CNTNAP5: variants seen among roughly 807,000 people sequenced by gnomAD.
The protein encoded by CNTNAP5 is contactin-associated protein-like 5.
CNTNAP5 carries 72 observed loss-of-function variants against 150.2 expected under a neutral mutation model. That is an observed-to-expected ratio of 0.48 (90% CI 0.40 to 0.58). The LOEUF is 0.58. CNTNAP5 is among the 20% of genes least tolerant of loss of function. The pLI, the probability that CNTNAP5 is intolerant of heterozygous loss-of-function variation, is 0.00. For synonymous variants in CNTNAP5, 672 were observed against 619.8 expected (o/e 1.08, Z -1.25); for missense variants, 1,636 against 1,626.2 (o/e 1.01, Z -0.10).
chr2:124,122,209 A>C (rs1683579898), intron 1 of CNTNAP5, among the ~76,000 whole-genome samples: 2 of 152,200 alleles, frequency 1.3e-5, no homozygotes, highest in African/African-American at 2.4e-5. Flanking sequence ...CTATCCAGCT[A>C]TATTTAGACA....
chr2:124,504,334 A>G lies in CNTNAP5; in HGVS notation c.1105A>G (p.Ile369Val), dbSNP rs1414769312. The G allele has an allele frequency of 6.2e-7, 1 of 1,613,924 alleles. No homozygotes were observed. Among genetic ancestry groups the G allele is most frequent in the Non-Finnish European group, 8.5e-7 (1 of 1,179,840 alleles). Residue 369 changes from isoleucine (I) to valine (V), a missense_variant, in exon 8 of 24, where the codon ATC (isoleucine) becomes GTC (valine). Coordinates refer to ENST00000682447, the MANE Select transcript of CNTNAP5 (RefSeq NM_001367498.1). ...CTGCTCCGAACCACAGATTGTGCCC[A>G]TCACATTTGTCAACTCCAGCGGCAG... ...FSCSEPQIVP[I>V]TFVNSSGSYL...
chr2:124,715,666 T>C (rs927177900), intron 13 of CNTNAP5, among the ~76,000 whole-genome samples: 6 of 152,154 alleles, frequency 3.9e-5, no homozygotes, highest in Admixed American at 2.6e-4. Flanking sequence ...ATGTATCATT[T>C]CCATTTATAT....
intron 1 of CNTNAP5, among the ~76,000 whole-genome samples, chr2:124,059,751 G>C (rs540897029): frequency 6.6e-6 from 1 of 151,970 alleles, no homozygotes; most frequent in African/African-American, 2.4e-5. Context: ...TGGCATCAGC[G>C]TAGAGTTTTT....
At chr2:124,276,735 G>T (rs1687892002) in intron 3 of CNTNAP5, among the ~76,000 whole-genome samples, 2 of 152,074 alleles carry the variant, frequency 1.3e-5, no homozygotes, top group African/African-American at 4.8e-5. Flanking sequence ...CTTCATTTGG[G>T]CGTTATTTTT....
At chr2:124,760,835 A>G (rs1377408578) in intron 14 of CNTNAP5, among the ~76,000 whole-genome samples, 1 of 152,134 alleles carries the variant, frequency 6.6e-6, no homozygotes, top group Non-Finnish European at 1.5e-5. Flanking sequence ...TGGTGTGTTC[A>G]TTGTTTTGTA....
At chr2:124,328,037 G>T (rs374345504) in intron 3 of CNTNAP5, among the ~76,000 whole-genome samples, 3 of 151,986 alleles carry the variant, frequency 2.0e-5, no homozygotes, top group African/African-American at 7.3e-5. Flanking sequence ...AAAATTGAAG[G>T]CTTTTCTGAA....
chr2:124,408,295 C>T (rs1223806769), intron 3 of CNTNAP5, among the ~76,000 whole-genome samples: 3 of 152,032 alleles, frequency 2.0e-5, no homozygotes, highest in East Asian at 1.9e-4. Context: ...AAGGCCGCAG[C>T]GAGGCTGGGG....
intron 3 of CNTNAP5, among the ~76,000 whole-genome samples, chr2:124,245,295 A>G (rs1384938389): frequency 6.6e-6 from 1 of 152,130 alleles, no homozygotes; most frequent in Non-Finnish European, 1.5e-5. Flanking sequence ...CCTTGTGGCT[A>G]ACTAATATTT....
chr2:124,483,146 C>A (rs1434414022), intron 7 of CNTNAP5, among the ~76,000 whole-genome samples: 2 of 152,180 alleles, frequency 1.3e-5, no homozygotes. Context: ...TTCAAACTCA[C>A]TGGTAGGGTT....
chr2:124,411,089 A>G (rs1447161309), intron 3 of CNTNAP5, among the ~76,000 whole-genome samples: 3 of 152,238 alleles, frequency 2.0e-5, no homozygotes, highest in Admixed American at 6.5e-5. Flanking sequence ...CCATCAGAGA[A>G]TACTACAAAC....
intron 12 of CNTNAP5, among the ~76,000 whole-genome samples, chr2:124,634,789 C>T (rs1400864546): frequency 1.3e-5 from 2 of 152,092 alleles, no homozygotes; most frequent in Non-Finnish European, 2.9e-5. Flanking sequence ...CAGATGTGAG[C>T]CACTGTACCT....
At chr2:124,042,045 G>C (rs888932805) in intron 1 of CNTNAP5, among the ~76,000 whole-genome samples, 6 of 152,066 alleles carry the variant, frequency 3.9e-5, no homozygotes, top group South Asian at 2.1e-4. Flanking sequence ...ATTTTCAGTA[G>C]AGAAGGGTTT....
rs78417741 is a variant in CNTNAP5, at chr2:124,628,977, A to G, written c.1877-18781A>G. Reference sequence around the variant, plus strand: ...AAAAAAAGACAAAGAAGGGCATTACATCATGCTGAAGCGTTCAATTCAACA... The same window carrying G: ...AAAAAAAGACAAAGAAGGGCATTACGTCATGCTGAAGCGTTCAATTCAACA... On this transcript the variant is annotated intron_variant, in intron 12 of 23. Coordinates refer to ENST00000682447, the MANE Select transcript of CNTNAP5 (RefSeq NM_001367498.1). Among the ~76,000 whole-genome samples the G allele has an allele frequency of 2.6e-3, 393 of 152,310 alleles. 1 individual carries two copies. Among genetic ancestry groups the G allele is most frequent in the African/African-American group, 8.8e-3 (366 of 41,556 alleles).
intron 19 of CNTNAP5, among the ~76,000 whole-genome samples, chr2:124,817,244 T>G (rs2104664754): frequency 6.6e-6 from 1 of 152,314 alleles, no homozygotes; most frequent in East Asian, 1.9e-4. Context: ...TAATGTTAAC[T>G]TTGGAGGTAG....
intron 19 of CNTNAP5, among the ~76,000 whole-genome samples, chr2:124,843,168 C>A (rs1243994772): frequency 2.0e-5 from 3 of 152,078 alleles, no homozygotes; most frequent in Non-Finnish European, 1.5e-5. Context: ...GTTTTTCATT[C>A]CAGAGTTACT....
rs556571236 is a variant in CNTNAP5, at chr2:124,057,448, A to ATTTTTTTTTTTT, written c.82+31728_82+31739dup. 6.2e-4 allele frequency among the ~76,000 whole-genome samples: 39 copies of ATTTTTTTTTTTT among 62,788 alleles called. 5 individuals are homozygous for ATTTTTTTTTTTT. Among genetic ancestry groups the ATTTTTTTTTTTT allele is most frequent in the African/African-American group, 1.5e-3 (19 of 12,744 alleles). The allele number at this position is 62,788 out of a possible 152,430, so 41.2% of individuals were successfully genotyped here. A position where few individuals can be genotyped will look rare whatever the true frequency, so the allele number is the denominator to read the frequency against. On this transcript the variant is annotated intron_variant, in intron 1 of 23. Transcript: ENST00000682447. ...AGGCACCCACCAGCACGGCCAGCTA[A>ATTTTTTTTTTTT]TTTTTTTTTTTTTTTTTTTTTTTAG...
intron 3 of CNTNAP5, among the ~76,000 whole-genome samples, chr2:124,246,501 G>T (rs1216303340): frequency 6.6e-6 from 1 of 152,098 alleles, no homozygotes; most frequent in Non-Finnish European, 1.5e-5. Context: ...GTGTAGACAT[G>T]CCAAATCATT....
At chr2:124,786,307 AAAG>A (rs1238236837) in intron 17 of CNTNAP5, among the ~76,000 whole-genome samples, 1 of 149,284 alleles carries the variant, frequency 6.7e-6, no homozygotes, top group Non-Finnish European at 1.5e-5. Context: ...AAAGAAAGAG[AAAG>A]AAGAAAGAAA....
chr2:124,729,733 A>G (rs1210427708), intron 13 of CNTNAP5, among the ~76,000 whole-genome samples: 1 of 152,134 alleles, frequency 6.6e-6, no homozygotes, highest in Non-Finnish European at 1.5e-5. Flanking sequence ...CAGATACTCA[A>G]GATAAAATAA....
Sources: allele counts gnomAD v4.1 joint callset (sites outside exome capture counted in the v4.1 genomes callset), GRCh38; gene constraint gnomAD v4.1.1; transcripts MANE v1.5; gene names NCBI Gene and HGNC (gene_info 2026-07-23, HGNC 2026-07-21).